The following TMTC2 variants were observed in gnomAD, a reference collection of about 807,000 sequenced individuals.
The protein encoded by TMTC2 is transmembrane O-mannosyltransferase targeting cadherins 2.
TMTC2 carries 43 observed loss-of-function variants against 82.4 expected under a neutral mutation model. The ratio of observed to expected loss-of-function variants is 0.52; its 90% CI spans 0.41 to 0.67. The LOEUF is 0.67. Ranked by LOEUF, TMTC2 falls within the 30% of genes least tolerant of loss-of-function variation. The pLI is 0.00. For synonymous variants in TMTC2, 408 were observed against 381.9 expected (o/e 1.07, Z -0.80); for missense variants, 919 against 1,012.4 (o/e 0.91, Z 1.25).
At chr12:82,932,105 T>C (rs1012950652) in intron 4 of TMTC2, among the ~76,000 whole-genome samples, 1 of 152,184 alleles carries the variant, frequency 6.6e-6, no homozygotes, top group African/African-American at 2.4e-5. Context: ...TCTGGTTAGC[T>C]GAATCTTTTG....
intron 3 of TMTC2, among the ~76,000 whole-genome samples, chr12:82,901,865 A>T (rs1874037942): frequency 6.6e-6 from 1 of 151,762 alleles, no homozygotes. Context: ...TTTGCTTTGC[A>T]TCTATTTCAG....
At chr12:83,056,540 T>A (rs555622355) in intron 10 of TMTC2, among the ~76,000 whole-genome samples, 1 of 152,070 alleles carries the variant, frequency 6.6e-6, no homozygotes, top group East Asian at 1.9e-4. Context: ...GGAAGTCACA[T>A]AAAATTTAAA....
chr12:83,070,286 A>G (rs1883064395), intron 11 of TMTC2, among the ~76,000 whole-genome samples: 1 of 151,960 alleles, frequency 6.6e-6, no homozygotes, highest in Non-Finnish European at 1.5e-5. Context: ...CAGTATGGTC[A>G]TTTTCACAAT....
chr12:82,866,516 A>C (rs1235710577), intron 2 of TMTC2, among the ~76,000 whole-genome samples: 1 of 152,184 alleles, frequency 6.6e-6, no homozygotes, highest in Non-Finnish European at 1.5e-5. Flanking sequence ...GTGATGAATA[A>C]ATAATGAGTC....
intron 11 of TMTC2, among the ~76,000 whole-genome samples, chr12:83,076,754 G>A (rs1388942697): frequency 6.6e-6 from 1 of 152,176 alleles, no homozygotes; most frequent in African/African-American, 2.4e-5. Context: ...TTGCTTACAT[G>A]TCTAAGTCTT....
chr12:82,950,272 TA>T (rs1428948285), intron 4 of TMTC2, among the ~76,000 whole-genome samples: 35 of 152,158 alleles, frequency 2.3e-4, no homozygotes, highest in Admixed American at 2.2e-3. Context: ...TGGAAAGAAA[TA>T]ATATGAAAAA....
At chr12:82,700,804 T>G (rs1272533592) in intron 1 of TMTC2, among the ~76,000 whole-genome samples, 1 of 152,134 alleles carries the variant, frequency 6.6e-6, no homozygotes, top group East Asian at 1.9e-4. Context: ...TATACAGAAA[T>G]ACCTGAAACT....
intron 9 of TMTC2, among the ~76,000 whole-genome samples, chr12:83,034,166 A>G (rs1881567820): frequency 6.6e-6 from 1 of 152,260 alleles, no homozygotes; most frequent in African/African-American, 2.4e-5. Flanking sequence ...CTGTATAGGA[A>G]ATAAACAGGA....
intron 4 of TMTC2, among the ~76,000 whole-genome samples, chr12:82,957,284 T>G (rs919083521): frequency 1.1e-4 from 16 of 152,166 alleles, no homozygotes; most frequent in African/African-American, 3.9e-4. Context: ...CCTGAATGAC[T>G]TTTGGGTAAA....
chr12:82,918,643 T>C (rs1364340945), intron 3 of TMTC2, among the ~76,000 whole-genome samples: 1 of 152,188 alleles, frequency 6.6e-6, no homozygotes, highest in African/African-American at 2.4e-5. Context: ...TATGCAGACC[T>C]GAATGTTAAA....
chr12:82,735,408 C>G (rs190029229), intron 1 of TMTC2, among the ~76,000 whole-genome samples: 3,034 of 150,968 alleles, frequency 0.02, 77 homozygotes, highest in African/African-American at 0.064. Flanking sequence ...TGCAGTGGCG[C>G]GATCTCGGCT....
chr12:82,771,840 G>C (rs1314542004), intron 1 of TMTC2, among the ~76,000 whole-genome samples: 2 of 152,096 alleles, frequency 1.3e-5, no homozygotes, highest in South Asian at 2.1e-4. Context: ...GAAGTAGGTA[G>C]ATAGGAAGGA....
At chr12:82,966,790 T>C (rs1878231973) in intron 6 of TMTC2, 129 bp from the exon 7 acceptor site, 2 of 582,674 alleles carry the variant, frequency 3.4e-6, no homozygotes, top group East Asian at 5.9e-5. Context: ...TCAATTATTT[T>C]CCTCTAGTGA....
intron 1 of TMTC2, among the ~76,000 whole-genome samples, chr12:82,795,788 A>T (rs1592528411): frequency 6.6e-6 from 1 of 152,122 alleles, no homozygotes; most frequent in East Asian, 1.9e-4. Flanking sequence ...CCAGACAACC[A>T]CACCTGCCGG....
intron 1 of TMTC2, among the ~76,000 whole-genome samples, chr12:82,795,604 G>A (rs1281938092): frequency 6.6e-6 from 1 of 151,958 alleles, no homozygotes; most frequent in Non-Finnish European, 1.5e-5. Context: ...GAGGTAATTA[G>A]GCCATGAAAG....
At chr12:82,730,067 C>T (rs1874699572) in intron 1 of TMTC2, among the ~76,000 whole-genome samples, 1 of 152,110 alleles carries the variant, frequency 6.6e-6, no homozygotes, top group South Asian at 2.1e-4. Flanking sequence ...ACTCCGGACA[C>T]GCTGCCTTTA....
intron 8 of TMTC2, among the ~76,000 whole-genome samples, chr12:82,999,928 C>T (rs936629719): frequency 6.6e-6 from 1 of 152,204 alleles, no homozygotes; most frequent in Non-Finnish European, 1.5e-5. Context: ...CTCATTTCAG[C>T]ATTAACTTAA....
intron 11 of TMTC2, among the ~76,000 whole-genome samples, chr12:83,073,836 T>G (rs1274330973): frequency 6.6e-6 from 1 of 152,194 alleles, no homozygotes; most frequent in African/African-American, 2.4e-5. Flanking sequence ...TTGATTGTTT[T>G]TTCTTTCTGC....
At chr12:83,098,587 A>T (rs1884109124) in intron 11 of TMTC2, among the ~76,000 whole-genome samples, 1 of 152,238 alleles carries the variant, frequency 6.6e-6, no homozygotes, top group African/African-American at 2.4e-5. Context: ...TTGACATAGC[A>T]TTGCTAACAA....
Sources: gnomAD v4.1 joint callset for allele counts (sites outside exome capture counted in the v4.1 genomes callset) on GRCh38, gnomAD v4.1.1 for gene constraint, MANE v1.5 for transcripts, NCBI Gene and HGNC (gene_info 2026-07-23, HGNC 2026-07-21) for gene names.